Variants in UTF1 observed in about 807,000 individuals in gnomAD.
UTF1 encodes the protein undifferentiated embryonic cell transcription factor 1.
In UTF1, 8 loss-of-function variants were observed where a neutral mutation model predicts 11.8. The observed-to-expected ratio is 0.68, with a 90% CI of 0.40 to 1.23. The LOEUF (loss-of-function observed/expected upper bound fraction) is 1.23, where lower values mean the gene tolerates loss of function less well. Ranked by LOEUF, UTF1 falls within the 50% of genes most tolerant of loss-of-function variation. The pLI is 0.01. For missense variants in UTF1, 545 were observed against 542.1 expected (o/e 1.01, Z -0.05); for synonymous variants, 344 against 271.7 (o/e 1.27, Z -2.62).
At position 133,230,558 on chromosome 10, in the gene UTF1, G is replaced by A. The variant is rs920930991; in HGVS notation, c.270G>A (p.Gln90=). ...GCGCGCTGCTCCTGGACCGCCGCCA[G>A]GCCCTGCCCACCTACCGCCGCGTGT... ...VWRALLLDRR[Q]ALPTYRRVSA... The change falls in exon 1 of 2, where the codon CAG becomes CAA. Residue 90 remains glutamine (Q), a synonymous_variant. Coordinates refer to ENST00000304477, the MANE Select transcript of UTF1 (RefSeq NM_003577.3). 2.8e-6 allele frequency: 4 copies of A among 1,418,388 alleles called. No homozygotes were observed. Among genetic ancestry groups the A allele is most frequent in the African/African-American group, 1.5e-5 (1 of 66,646 alleles). 87.9% of individuals were successfully genotyped at this position (1,418,388 alleles called of 1,614,324 possible).
chr10:133,230,772 T>C lies in UTF1; in HGVS notation c.484T>C (p.Ser162Pro), dbSNP rs777612366. 4 of 1,353,950 alleles carry C rather than the reference T, an allele frequency of 3.0e-6. No homozygotes were observed. In the South Asian group the frequency reaches 5.2e-5, roughly 18 times the overall value. The allele number at this position is 1,353,950 out of a possible 1,614,324, so 83.9% of individuals were successfully genotyped here. Residue 162 changes from serine to proline, a missense_variant, in exon 1 of 2, where the codon TCC (serine) becomes CCC (proline). By Grantham distance (74) the Ser-to-Pro change is moderately conservative (BLOSUM62 -1). Around this residue, in one of 3 missense-constraint regions of UTF1, gnomAD observed 394 missense variants for 341.5 expected, o/e 1.15. Coordinates refer to ENST00000304477, the MANE Select transcript of UTF1 (RefSeq NM_003577.3). ...RKRPRRRSPG[S>P]GRPQRARRPV... ...ACGGCCTCGCCGCCGCTCCCCGGGG[T>C]CCGGGCGCCCCCAGCGCGCCCGCCG...
chr10:133,231,390 T>C lies in UTF1; in HGVS notation c.974T>C (p.Ile325Thr), dbSNP rs1845798233. The C allele has an allele frequency of 6.3e-7, 1 of 1,579,006 alleles. No homozygotes were observed. Among genetic ancestry groups the C allele is most frequent in the African/African-American group, 1.4e-5 (1 of 74,042 alleles). Residue 325 changes from isoleucine (I) to threonine (T), a missense_variant, in exon 2 of 2, where the codon ATT (isoleucine) becomes ACT (threonine). Physicochemically the swap from Ile to Thr is moderately conservative, Grantham distance 89. Transcript: ENST00000304477. The stretch of plus-strand genomic sequence containing the variant: ...ACAGTGTCCCTGGCCGTGGGCTTCA[T>C]TCTGGGCAGCGCGGCCGCCGAGCGA... ...DQTVSLAVGF[I>T]LGSAAAERGV...
Position 133,231,232 on chromosome 10 carries a change from C to T in UTF1, c.816C>T (p.Pro272=). Residue 272 remains proline (P), a synonymous_variant, in exon 2 of 2, where the codon CCC becomes CCT. Transcript: ENST00000304477. The part of the protein sequence containing the change: ...PEDCAPPPAA[P]PSLNTALLQT... ...ACTGCGCGCCCCCTCCGGCCGCGCC[C>T]CCGTCGCTGAACACCGCCCTGCTGC... 6.5e-7 allele frequency: 1 copy of T among 1,538,084 alleles called. No individual in the cohort carries two copies. The highest frequency in any genetic ancestry group is 1.2e-5 in the South Asian group (1 of 83,538).
chr10:133,230,828 C>T lies in UTF1; in HGVS notation c.540C>T (p.Pro180=), dbSNP rs781220009. ...RPVPNAHAPA[P]SEPDATPLPT... ...TCCCCAACGCGCACGCGCCGGCTCC[C>T]AGCGAACCAGGTAGGCGGGGGACTG... is the stretch of plus-strand genomic sequence containing the variant. The change falls in exon 1 of 2, where the codon CCC becomes CCT. Residue 180 remains proline (P), a synonymous_variant. Coordinates refer to ENST00000304477, the MANE Select transcript of UTF1 (RefSeq NM_003577.3). 19 of 1,304,726 alleles carry T rather than the reference C, an allele frequency of 1.5e-5. No homozygotes were observed. Among genetic ancestry groups the T allele is most frequent in the South Asian group, 2.3e-5 (1 of 42,978 alleles). 80.8% of individuals were successfully genotyped at this position (1,304,726 alleles called of 1,614,324 possible).
chr10:133,230,800 C>G lies in UTF1; in HGVS notation c.512C>G (p.Pro171Arg). ...GSGRPQRARR[P>R]VPNAHAPAPS... ...GGGCGCCCCCAGCGCGCCCGCCGCCCGGTCCCCAACGCGCACGCGCCGGCT... is the reference window on the plus strand; with the variant it reads ...GGGCGCCCCCAGCGCGCCCGCCGCCGGGTCCCCAACGCGCACGCGCCGGCT... The change falls in exon 1 of 2, where the codon CCG becomes CGG. Residue 171 changes from proline (P) to arginine (R), a missense_variant. Around this residue, in one of 3 missense-constraint regions of UTF1, gnomAD observed 394 missense variants for 341.5 expected, o/e 1.15. Coordinates refer to ENST00000304477, the MANE Select transcript of UTF1 (RefSeq NM_003577.3). 1.8e-5 allele frequency: 24 copies of G among 1,322,778 alleles called. No homozygotes were observed. The highest frequency in any genetic ancestry group is 2.2e-5 in the Non-Finnish European group (23 of 1,045,136). The allele number at this position is 1,322,778 out of a possible 1,614,324, so 81.9% of individuals were successfully genotyped here.
In UTF1 at chr10:133,230,297, C is replaced by T. The variant is rs557452108; in HGVS notation, c.9C>T (p.Leu3=). The change falls in exon 1 of 2, where the codon CTC becomes CTT. Residue 3 remains leucine, a synonymous_variant. Transcript: ENST00000304477. ML[L]RPRRPPPLAP... ...CGCGCCCCAGCCCCGGGATGCTGCT[C>T]CGGCCCCGCAGGCCGCCCCCGCTCG... 1.9e-4 allele frequency: 198 copies of T among 1,068,060 alleles called. No individual in the cohort carries two copies. In the African/African-American group the frequency reaches 3.1e-3, roughly 17 times the overall value. The allele number at this position is 1,068,060 out of a possible 1,614,324, so 66.2% of individuals were successfully genotyped here. A position where few individuals can be genotyped will look rare whatever the true frequency, so the allele number is the denominator to read the frequency against.
At position 133,230,566 on chromosome 10, in the gene UTF1, C is replaced by G. The variant is rs1845784515; in HGVS notation, c.278C>G (p.Pro93Arg). 3 of 1,410,812 alleles carry G rather than the reference C, an allele frequency of 2.1e-6. No individual in the cohort carries two copies. Among genetic ancestry groups the G allele is most frequent in the Admixed American group, 3.1e-5 (1 of 32,738 alleles). The allele number at this position is 1,410,812 out of a possible 1,614,324, so 87.4% of individuals were successfully genotyped here. Residue 93 changes from proline (P) to arginine (R), a missense_variant, in exon 1 of 2, where the codon CCC (proline) becomes CGC (arginine). Physicochemically the swap from Pro to Arg is moderately radical, Grantham distance 103. Around this residue, in one of 3 missense-constraint regions of UTF1, gnomAD observed 129 missense variants for 148.5 expected, o/e 0.87. Transcript: ENST00000304477. ...CTCCTGGACCGCCGCCAGGCCCTGC[C>G]CACCTACCGCCGCGTGTCGGCCGCG... ...ALLLDRRQAL[P>R]TYRRVSAALA... is the part of the protein sequence containing the mutation.
At position 133,230,588 on chromosome 10, in the gene UTF1, C is replaced by T. The variant is rs1486056442; in HGVS notation, c.300C>T (p.Ala100=). ...TGCCCACCTACCGCCGCGTGTCGGC[C>T]GCGCTGGCCCAGCAGCAGGTGCGCC... ...QALPTYRRVS[A]ALAQQQVRRT... The change falls in exon 1 of 2, where the codon GCC becomes GCT. Residue 100 remains alanine, a synonymous_variant. Coordinates refer to ENST00000304477, the MANE Select transcript of UTF1 (RefSeq NM_003577.3). The T allele has an allele frequency of 1.4e-6, 2 of 1,403,570 alleles. No individual in the cohort carries two copies. Among genetic ancestry groups the T allele is most frequent in the South Asian group, 1.5e-5 (1 of 66,930 alleles). The allele number at this position is 1,403,570 out of a possible 1,614,324, so 86.9% of individuals were successfully genotyped here.
Position 133,231,071 on chromosome 10 carries a change from G to A in UTF1, c.655G>A (p.Gly219Ser), listed in dbSNP as rs1172272083. Residue 219 changes from glycine (G) to serine (S), a missense_variant, in exon 2 of 2, where the codon GGC becomes AGC. Coordinates refer to ENST00000304477, the MANE Select transcript of UTF1 (RefSeq NM_003577.3). ...PKSADASPAP[G>S]SPPAPAPTAL... is the part of the protein sequence containing the mutation. ...GTCTGCGGACGCCTCCCCCGCCCCC[G>A]GCTCCCCGCCAGCTCCCGCCCCGAC... The A allele has an allele frequency of 1.2e-5, 7 of 566,130 alleles. No homozygotes were observed. The highest frequency in any genetic ancestry group is 1.4e-5 in the Non-Finnish European group (6 of 428,824). The allele number at this position is 566,130 out of a possible 1,614,324, so 35.1% of individuals were successfully genotyped here. A position where few individuals can be genotyped will look rare whatever the true frequency, so the allele number is the denominator to read the frequency against.
At position 133,230,791 on chromosome 10, in the gene UTF1, C is replaced by CCCG; in HGVS notation, c.509_511dup (p.Arg170dup). The CCCG allele has an allele frequency of 7.5e-7, 1 of 1,331,870 alleles. No individual in the cohort carries two copies. Among genetic ancestry groups the CCCG allele is most frequent in the Non-Finnish European group, 9.5e-7 (1 of 1,049,610 alleles). 82.5% of individuals were successfully genotyped at this position (1,331,870 alleles called of 1,614,324 possible). Reference sequence around the variant, plus strand: ...CCGGGGTCCGGGCGCCCCCAGCGCGCCCGCCGCCCGGTCCCCAACGCGCAC... The same window carrying CCCG: ...CCGGGGTCCGGGCGCCCCCAGCGCGCCCGCCGCCGCCCGGTCCCCAACGCGCAC... On this transcript the variant is annotated inframe_insertion, in exon 1 of 2. Transcript: ENST00000304477.
Position 133,231,290 on chromosome 10 carries a change from A to C in UTF1, c.874A>C (p.Ile292Leu), listed in dbSNP as rs746165413. 1 of 1,595,008 alleles carries C rather than the reference A, an allele frequency of 6.3e-7. No homozygotes were observed. Among genetic ancestry groups the C allele is most frequent in the Non-Finnish European group, 8.5e-7 (1 of 1,174,468 alleles). ...GGGGCACCTGGGCGACATCGCGAAC[A>C]TCCTGGGCCCGCTGCGCGACCAGCT... The part of the protein sequence containing the change: ...TLGHLGDIAN[I>L]LGPLRDQLLT... Residue 292 changes from isoleucine (I) to leucine (L), a missense_variant, in exon 2 of 2, where the codon ATC becomes CTC. This residue lies in a region of UTF1 where 394 missense variants were observed against 341.5 expected (regional missense o/e 1.15). Transcript: ENST00000304477.
rs951503084 is a variant in UTF1 at position 133,231,553 on chromosome 10, C to G, written c.*111C>G. On this transcript the variant is annotated 3_prime_UTR_variant, in exon 2 of 2. Transcript: ENST00000304477. ...GTATGTTCAATAAAAGGATTGTTTT[C>G]CTAGAGTCCGGGCTGTGTAGGAGTG... 1.0e-6 allele frequency: 1 copy of G among 986,186 alleles called. No homozygotes were observed. Among genetic ancestry groups the G allele is most frequent in the Non-Finnish European group, 1.4e-6 (1 of 705,008 alleles). The allele number at this position is 986,186 out of a possible 1,614,324, so 61.1% of individuals were successfully genotyped here.
At position 133,231,134 on chromosome 10, in the gene UTF1, G is replaced by T. The variant is rs573396390; in HGVS notation, c.718G>T (p.Val240Phe). 3.4e-5 allele frequency: 39 copies of T among 1,160,300 alleles called. No homozygotes were observed. In the Admixed American group the frequency reaches 7.1e-4, roughly 21 times the overall value. The allele number at this position is 1,160,300 out of a possible 1,614,324, so 71.9% of individuals were successfully genotyped here. The change falls in exon 2 of 2, where the codon GTC (valine) becomes TTC (phenylalanine). Residue 240 changes from valine (V) to phenylalanine (F), a missense_variant. By Grantham distance (50) the Val-to-Phe change is conservative. Transcript: ENST00000304477. Reference protein sequence around the residue: ...ATCIPEDRAPVRGPGSPPPPP... With the variant: ...ATCIPEDRAPFRGPGSPPPPP... ...CTGCATCCCCGAGGACCGCGCGCCC[G>T]TCCGCGGCCCCGGGTCCCCGCCGCC...
Position 133,230,326 on chromosome 10 carries a change from C to A in UTF1, c.38C>A (p.Pro13His). 4.5e-6 allele frequency: 5 copies of A among 1,112,114 alleles called. No individual in the cohort carries two copies. Among genetic ancestry groups the A allele is most frequent in the Non-Finnish European group, 5.5e-6 (5 of 913,338 alleles). The allele number at this position is 1,112,114 out of a possible 1,614,324, so 68.9% of individuals were successfully genotyped here. A position where few individuals can be genotyped will look rare whatever the true frequency, so the allele number is the denominator to read the frequency against. ...CCCCGCAGGCCGCCCCCGCTCGCGC[C>A]CCCCGCGCCGCCCTCGCCCGCCAGC... ...LRPRRPPPLA[P>H]PAPPSPASPD... The change falls in exon 1 of 2, where the codon CCC (proline) becomes CAC (histidine). Residue 13 changes from proline (P) to histidine (H), a missense_variant. Pro to His is a moderately conservative substitution (Grantham distance 77). Transcript: ENST00000304477.
chr10:133,231,470 C>G lies in UTF1; in HGVS notation c.*28C>G. 7.1e-7 allele frequency: 1 copy of G among 1,414,732 alleles called. No individual in the cohort carries two copies. Among genetic ancestry groups the G allele is most frequent in the Non-Finnish European group, 9.2e-7 (1 of 1,083,510 alleles). The allele number at this position is 1,414,732 out of a possible 1,614,324, so 87.6% of individuals were successfully genotyped here. A position where few individuals can be genotyped will look rare whatever the true frequency, so the allele number is the denominator to read the frequency against. ...CCCGGCTGCGGCCAGTCTCCCCTCT[C>G]CAGGCCGAGGCCCCTCCGCCCTGAC... On this transcript the variant is annotated 3_prime_UTR_variant, in exon 2 of 2. Transcript: ENST00000304477.
Position 133,231,301 on chromosome 10 carries a change from G to A in UTF1, c.885G>A (p.Pro295=), listed in dbSNP as rs1268321634. The change falls in exon 2 of 2, where the codon CCG becomes CCA. Residue 295 remains proline, a synonymous_variant. Transcript: ENST00000304477. ...GCGACATCGCGAACATCCTGGGCCC[G>A]CTGCGCGACCAGCTGCTGACCTTGA... ...HLGDIANILG[P]LRDQLLTLNQ... 3.1e-6 allele frequency: 5 copies of A among 1,596,226 alleles called. No individual in the cohort carries two copies. The highest frequency in any genetic ancestry group is 2.7e-5 in the African/African-American group (2 of 74,722).
chr10:133,231,514 A>G lies in UTF1; in HGVS notation c.*72A>G, dbSNP rs1372061729. The G allele has an allele frequency of 1.6e-5, 20 of 1,215,054 alleles. 1 individual carries two copies. The South Asian group carries it at 3.3e-4, about 20-fold the overall frequency. The allele number at this position is 1,215,054 out of a possible 1,614,324, so 75.3% of individuals were successfully genotyped here. On this transcript the variant is annotated 3_prime_UTR_variant, in exon 2 of 2. Transcript: ENST00000304477. Reference sequence around the variant, plus strand: ...CCCTGACCCCTCCTGCTGCCTTCCCACCCCCGTTCTTGGGTATGTTCAATA... The same window carrying G: ...CCCTGACCCCTCCTGCTGCCTTCCCGCCCCCGTTCTTGGGTATGTTCAATA...
Position 133,230,980 on chromosome 10 carries a change from GC to G in UTF1, c.567del (p.Thr190ProfsTer86). The G allele has an allele frequency of 7.5e-7, 1 of 1,325,516 alleles. No homozygotes were observed. The highest frequency in any genetic ancestry group is 9.6e-7 in the Non-Finnish European group (1 of 1,041,566). 82.1% of individuals were successfully genotyped at this position (1,325,516 alleles called of 1,614,324 possible). ...APSEPDATPLPTARDRDADPT... is the reference protein window; with the variant it reads ...APSEPDATPLXTARDRDADPT... ...CCGCGTTCCCAGACGCCACCCCGCT[GC>G]CCACCGCCCGCGACCGCGACGCGGA... On this transcript the variant is annotated frameshift_variant, in exon 2 of 2. Transcript: ENST00000304477. LOFTEE classifies it low-confidence loss of function (END_TRUNC).
chr10:133,231,013 C>T lies in UTF1; in HGVS notation c.597C>T (p.Thr199=). ...PTARDRDADP[T]WTLRFSPSPP... is the part of the protein sequence containing the mutation. ...CCCGCGACCGCGACGCGGACCCCACCTGGACGCTCCGCTTCAGCCCGTCCC... is the reference window on the plus strand; with the variant it reads ...CCCGCGACCGCGACGCGGACCCCACTTGGACGCTCCGCTTCAGCCCGTCCC... The change falls in exon 2 of 2, where the codon ACC becomes ACT. Residue 199 remains threonine, a synonymous_variant. Coordinates refer to ENST00000304477, the MANE Select transcript of UTF1 (RefSeq NM_003577.3). The T allele has an allele frequency of 2.2e-6, 3 of 1,337,378 alleles. No homozygotes were observed. Among genetic ancestry groups the T allele is most frequent in the Non-Finnish European group, 2.9e-6 (3 of 1,048,280 alleles). The allele number at this position is 1,337,378 out of a possible 1,614,324, so 82.8% of individuals were successfully genotyped here.
Sources: gnomAD v4.1 joint callset for allele counts on GRCh38, gnomAD v4.1.1 for gene constraint, gnomAD v4.1.1 regional missense constraint, MANE v1.5 for transcripts, NCBI Gene and HGNC (gene_info 2026-07-23, HGNC 2026-07-21) for gene names.